The following NXPH1 variants were observed in gnomAD, a reference collection of about 807,000 sequenced individuals.
The protein encoded by NXPH1 is neurexophilin-1.
NXPH1 carries 5 observed loss-of-function variants against 23.7 expected under a neutral mutation model. The observed-to-expected ratio is 0.21, with a 90% CI of 0.11 to 0.44. The LOEUF (loss-of-function observed/expected upper bound fraction) is 0.44. NXPH1 is among the 20% of genes least tolerant of loss of function. The pLI is 0.99. For synonymous variants in NXPH1, 144 were observed against 122.2 expected (o/e 1.18, Z -1.18); for missense variants, 324 against 321.6 (o/e 1.01, Z -0.06).
At chr7:8,558,224 G>C (rs1185228757) in intron 2 of NXPH1, among the ~76,000 whole-genome samples, 2 of 146,544 alleles carry the variant, frequency 1.4e-5, no homozygotes, top group Admixed American at 6.6e-5. Flanking sequence ...CTGTTTATTT[G>C]GTTATTTTTT....
At chr7:8,572,106 AT>A (rs1369239925) in intron 2 of NXPH1, among the ~76,000 whole-genome samples, 2 of 151,860 alleles carry the variant, frequency 1.3e-5, no homozygotes, top group Non-Finnish European at 2.9e-5. Context: ...AACACAAATA[AT>A]TTTTTAGTAT....
At chr7:8,448,139 G>C (rs1027270655) in intron 2 of NXPH1, among the ~76,000 whole-genome samples, 1 of 152,158 alleles carries the variant, frequency 6.6e-6, no homozygotes, top group Non-Finnish European at 1.5e-5. Context: ...TGTGACTTTG[G>C]GCAAGCTTAA....
intron 2 of NXPH1, among the ~76,000 whole-genome samples, chr7:8,662,409 G>C (rs1053964698): frequency 4.0e-5 from 6 of 151,430 alleles, no homozygotes; most frequent in Non-Finnish European, 8.9e-5. Context: ...TAAACTATGG[G>C]GATAAGTTTT....
intron 2 of NXPH1, among the ~76,000 whole-genome samples, chr7:8,621,687 T>A (rs1050131990): frequency 3.3e-5 from 5 of 152,104 alleles, no homozygotes; most frequent in Admixed American, 2.6e-4. Context: ...GGTTTCACCA[T>A]GTTGACAAGG....
intron 2 of NXPH1, among the ~76,000 whole-genome samples, chr7:8,662,765 A>G (rs1446901981): frequency 6.6e-6 from 1 of 152,046 alleles, no homozygotes; most frequent in Non-Finnish European, 1.5e-5. Context: ...TTTTAAATCT[A>G]TTCAATGTTG....
At chr7:8,444,388 G>C (rs1440929786) in intron 2 of NXPH1, among the ~76,000 whole-genome samples, 2 of 152,178 alleles carry the variant, frequency 1.3e-5, no homozygotes, top group African/African-American at 4.8e-5. Context: ...TCGGCCTTTA[G>C]CTTAAGGGCC....
intron 2 of NXPH1, among the ~76,000 whole-genome samples, chr7:8,437,213 G>C (rs1415265384): frequency 1.3e-5 from 2 of 152,162 alleles, no homozygotes; most frequent in Non-Finnish European, 2.9e-5. Context: ...CCGCTGGAAC[G>C]CAGGCGGAAT....
chr7:8,454,804 T>C (rs926782434), intron 2 of NXPH1, among the ~76,000 whole-genome samples: 1 of 152,140 alleles, frequency 6.6e-6, no homozygotes, highest in Admixed American at 6.5e-5. Context: ...TTGGGCAATA[T>C]GACACTCTTA....
chr7:8,540,068 G>A (rs772722784), intron 2 of NXPH1, among the ~76,000 whole-genome samples: 8 of 151,644 alleles, frequency 5.3e-5, no homozygotes, highest in Non-Finnish European at 7.4e-5. Flanking sequence ...TCTATTACAC[G>A]CTAATTTTAT....
In NXPH1 at chr7:8,527,223, C is replaced by T. The variant is rs532974012; in HGVS notation, c.54+91456C>T. Among the ~76,000 whole-genome samples, 16 of 152,306 alleles carry T rather than the reference C, an allele frequency of 1.1e-4. No individual in the cohort carries two copies. The South Asian group carries it at 1.5e-3, about 14-fold the overall frequency. On this transcript the variant is annotated intron_variant, in intron 2 of 2. Coordinates refer to ENST00000405863, the MANE Select transcript of NXPH1 (RefSeq NM_152745.3). ...CCTATTATGTGGAGATTCTGGTTCA[C>T]GCTATTGTTGCAAGGAACCACGTAG...
At chr7:8,560,779 G>A (rs1227350079) in intron 2 of NXPH1, among the ~76,000 whole-genome samples, 2 of 151,654 alleles carry the variant, frequency 1.3e-5, no homozygotes, top group Non-Finnish European at 3.0e-5. Context: ...AGGTCAGGGG[G>A]CTTTTCTTTG....
chr7:8,659,335 A>T (rs1820633097), intron 2 of NXPH1, among the ~76,000 whole-genome samples: 1 of 152,232 alleles, frequency 6.6e-6, no homozygotes, highest in Non-Finnish European at 1.5e-5. Flanking sequence ...TATTAAGGGT[A>T]TCAGAAGACG....
chr7:8,685,461 G>T (rs1330512070), intron 2 of NXPH1, among the ~76,000 whole-genome samples: 1 of 150,808 alleles, frequency 6.6e-6, no homozygotes, highest in Non-Finnish European at 1.5e-5. Flanking sequence ...TGGCTGAATA[G>T]TACTCCCTTG....
chr7:8,529,338 G>T (rs1242706152), intron 2 of NXPH1, among the ~76,000 whole-genome samples: 2 of 152,218 alleles, frequency 1.3e-5, no homozygotes, highest in South Asian at 4.1e-4. Context: ...CCAAAATTCT[G>T]CCTGCCACAG....
At position 8,549,160 on chromosome 7, in the gene NXPH1, G is replaced by T. The variant is rs1263260639; in HGVS notation, c.54+113393G>T. On this transcript the variant is annotated intron_variant, in intron 2 of 2. Coordinates refer to ENST00000405863, the MANE Select transcript of NXPH1 (RefSeq NM_152745.3). ...TGAAGAGCCAGTCTTGTTGCCTAAT[G>T]AACCAAGAACCCAGACCCTGGATTT... Among the ~76,000 whole-genome samples, 3 of 151,450 alleles carry T rather than the reference G, an allele frequency of 2.0e-5. No individual in the cohort carries two copies. In the East Asian group the frequency reaches 5.9e-4, roughly 30 times the overall value.
chr7:8,546,691 G>T (rs995309634), intron 2 of NXPH1, among the ~76,000 whole-genome samples: 7 of 151,290 alleles, frequency 4.6e-5, no homozygotes, highest in Admixed American at 2.0e-4. Flanking sequence ...TTATCTTTCT[G>T]CTCATTCATC....
chr7:8,675,645 C>G (rs535216981), intron 2 of NXPH1, among the ~76,000 whole-genome samples: 7 of 152,232 alleles, frequency 4.6e-5, no homozygotes, highest in African/African-American at 1.7e-4. Flanking sequence ...GTACAGGATG[C>G]TAGGGGAGCA....
intron 2 of NXPH1, among the ~76,000 whole-genome samples, chr7:8,663,658 G>C (rs989210): frequency 0.63 from 96,414 of 151,912 alleles, 31,517 homozygotes; most frequent in Middle Eastern, 0.76. Flanking sequence ...CTAATAGTCT[G>C]ATTTATGAAA....
intron 2 of NXPH1, among the ~76,000 whole-genome samples, chr7:8,555,357 C>T (rs190597603): frequency 1.9e-4 from 29 of 151,742 alleles, no homozygotes; most frequent in African/African-American, 5.1e-4. Context: ...AAGGAATCTG[C>T]TTAGACACCT....
Sources: gnomAD v4.1 joint callset for allele counts (sites outside exome capture counted in the v4.1 genomes callset) on GRCh38, gnomAD v4.1.1 for gene constraint, MANE v1.5 for transcripts, NCBI Gene and HGNC (gene_info 2026-07-23, HGNC 2026-07-21) for gene names.